Variants in OR9Q1 observed in about 807,000 individuals in gnomAD.
OR9Q1 encodes the protein olfactory receptor family 9 subfamily Q member 1, also known as olfactory receptor 9Q1.
For synonymous variants in OR9Q1, 153 were observed against 148.6 expected, an observed-to-expected ratio of 1.03 and a Z score of -0.22; for missense variants, 374 against 378.8, an observed-to-expected ratio of 0.99 and a Z score of 0.11.
chr11:58,042,036 G>T (rs2084298), intron 1 of OR9Q1, among the ~76,000 whole-genome samples: 147,757 of 152,336 alleles, frequency 0.97, 71,815 homozygotes, highest in East Asian at 1. Flanking sequence ...GATTTATTCA[G>T]GCATCAGCCA....
chr11:58,120,252 G>C (rs1425690152), intron 2 of OR9Q1, among the ~76,000 whole-genome samples: 1 of 152,072 alleles, frequency 6.6e-6, no homozygotes, highest in Non-Finnish European at 1.5e-5. Context: ...CCTTGGGTAA[G>C]TTAACTAACC....
chr11:58,173,581 G>A (rs1361758941), intron 2 of OR9Q1, among the ~76,000 whole-genome samples: 1 of 151,890 alleles, frequency 6.6e-6, no homozygotes, highest in African/African-American at 2.4e-5. Context: ...ATTGTGAATA[G>A]TGTCATGGTA....
intron 2 of OR9Q1, among the ~76,000 whole-genome samples, chr11:58,149,952 G>A (rs539197134): frequency 6.8e-4 from 104 of 152,248 alleles, no homozygotes; most frequent in African/African-American, 2.5e-3. Context: ...TCAAGTCCCT[G>A]TTTTCTATTC....
In OR9Q1 at chr11:58,148,802, T is replaced by C. The variant is rs116315823; in HGVS notation, c.-14-30629T>C. 2.9e-3 allele frequency among the ~76,000 whole-genome samples: 446 copies of C among 152,308 alleles called. 2 individuals carry two copies. Among genetic ancestry groups the C allele is most frequent in the African/African-American group, 9.6e-3 (398 of 41,568 alleles). ...TGGAGAGGATAAATCACCAGAGAAATTGGGGAAAGCCGATAGAAGTTGAAA... is the reference window on the plus strand; with the variant it reads ...TGGAGAGGATAAATCACCAGAGAAACTGGGGAAAGCCGATAGAAGTTGAAA... On this transcript the variant is annotated intron_variant, in intron 2 of 2. Coordinates refer to ENST00000335397, the MANE Select transcript of OR9Q1 (RefSeq NM_001005212.4).
At chr11:58,150,440 A>G (rs994655191) in intron 2 of OR9Q1, among the ~76,000 whole-genome samples, 2 of 152,202 alleles carry the variant, frequency 1.3e-5, no homozygotes, top group Non-Finnish European at 2.9e-5. Flanking sequence ...TACAAAAAAT[A>G]AAAATAAATT....
intron 2 of OR9Q1, among the ~76,000 whole-genome samples, chr11:58,169,820 T>C (rs1418205567): frequency 6.6e-6 from 1 of 152,140 alleles, no homozygotes; most frequent in African/African-American, 2.4e-5. Flanking sequence ...CTCTTCTCAC[T>C]GTTCTCTGTA....
At chr11:58,102,253 ATACCCTTTT>A (rs55695130) in intron 2 of OR9Q1, among the ~76,000 whole-genome samples, 150,300 of 151,824 alleles carry the variant, frequency 0.99, 74,414 homozygotes, top group East Asian at 1. Context: ...GTTGTTTTGT[ATACCCTTTT>A]TACCCTTTTT....
chr11:58,138,274 C>T lies in OR9Q1; in HGVS notation c.-14-41157C>T, dbSNP rs543520654. ...CCTCCCCAGCTGGGGCTGCCTGAGG[C>T]TGGGCAGGAGCGTCGTACTTCCTGG... On this transcript the variant is annotated intron_variant, in intron 2 of 2. Transcript: ENST00000335397. Among the ~76,000 whole-genome samples the T allele has an allele frequency of 3.3e-5, 5 of 152,304 alleles. No homozygotes were observed. The East Asian group carries it at 9.6e-4, about 29-fold the overall frequency.
At chr11:58,102,867 C>A (rs1338286518) in intron 2 of OR9Q1, among the ~76,000 whole-genome samples, 1 of 152,034 alleles carries the variant, frequency 6.6e-6, no homozygotes, top group Non-Finnish European at 1.5e-5. Flanking sequence ...CACTTTCCCC[C>A]ATCTCTTCTT....
chr11:58,092,988 TG>T (rs2120068714), intron 2 of OR9Q1, among the ~76,000 whole-genome samples: 1 of 152,296 alleles, frequency 6.6e-6, no homozygotes, highest in East Asian at 1.9e-4. Context: ...TGTTTATTTT[TG>T]TTTTTTTTTG....
chr11:58,076,306 G>A (rs2120031014), intron 2 of OR9Q1, among the ~76,000 whole-genome samples: 1 of 152,280 alleles, frequency 6.6e-6, no homozygotes, highest in Non-Finnish European at 1.5e-5. Context: ...CTGAAATCAG[G>A]TTGTTGTGTG....
chr11:58,069,550 G>T (rs2120015451), intron 2 of OR9Q1, among the ~76,000 whole-genome samples: 1 of 152,242 alleles, frequency 6.6e-6, no homozygotes, highest in African/African-American at 2.4e-5. Context: ...TTTGGGCTCT[G>T]CTATGTCCCC....
chr11:58,155,299 T>C (rs1276184683), intron 2 of OR9Q1, among the ~76,000 whole-genome samples: 1 of 152,192 alleles, frequency 6.6e-6, no homozygotes, highest in African/African-American at 2.4e-5. Context: ...CAAAGTCAAC[T>C]GATTTAAATG....
chr11:58,024,779 T>G (rs1852954499), intron 1 of OR9Q1, among the ~76,000 whole-genome samples: 1 of 152,196 alleles, frequency 6.6e-6, no homozygotes, highest in Admixed American at 6.5e-5. Flanking sequence ...GGAGTGTGAC[T>G]GTGCTTTGCA....
chr11:58,140,041 G>T (rs1477252140), intron 2 of OR9Q1, among the ~76,000 whole-genome samples: 1 of 152,142 alleles, frequency 6.6e-6, no homozygotes, highest in Non-Finnish European at 1.5e-5. Flanking sequence ...GGCCAATGAT[G>T]ATGAGCATTT....
chr11:58,073,029 G>A, intron 2 of OR9Q1: 1 of 210,642 alleles, frequency 4.7e-6, no homozygotes, highest in Admixed American at 4.4e-5. Context: ...TTTCTTACCT[G>A]CCTTTCCTGA....
At chr11:58,070,416 C>T (rs1036699597) in intron 2 of OR9Q1, among the ~76,000 whole-genome samples, 5 of 152,060 alleles carry the variant, frequency 3.3e-5, no homozygotes, top group African/African-American at 4.8e-5. Flanking sequence ...GCGTGTACAC[C>T]GTGTCACCCA....
intron 2 of OR9Q1, among the ~76,000 whole-genome samples, chr11:58,069,227 T>A (rs931867944): frequency 3.9e-5 from 6 of 152,128 alleles, no homozygotes; most frequent in Non-Finnish European, 8.8e-5. Flanking sequence ...TTTGTGGCCC[T>A]ATTGTCCTTG....
At chr11:58,110,038 G>A (rs1020921437) in intron 2 of OR9Q1, among the ~76,000 whole-genome samples, 8 of 152,194 alleles carry the variant, frequency 5.3e-5, no homozygotes, top group African/African-American at 1.9e-4. Flanking sequence ...CTGCCTCTAT[G>A]TGGCTTCTTA....
Sources: allele counts gnomAD v4.1 joint callset (sites outside exome capture counted in the v4.1 genomes callset), GRCh38; gene constraint gnomAD v4.1.1; transcripts MANE v1.5; gene names NCBI Gene and HGNC (gene_info 2026-07-23, HGNC 2026-07-21).